HOXC6: variants seen among roughly 807,000 people sequenced by gnomAD.
HOXC6 encodes homeobox protein Hox-C6.
HOXC6 carries 10 observed loss-of-function variants against 24.0 expected under a neutral mutation model. That is an observed-to-expected ratio of 0.42 (90% CI 0.26 to 0.71). The LOEUF is 0.71. Among genes scored for constraint, HOXC6 ranks in the 30% least tolerant of loss-of-function variants. The pLI, the probability that HOXC6 is intolerant of heterozygous loss-of-function variation, is 0.28. For missense variants in HOXC6, 258 were observed against 303.4 expected (o/e 0.85, Z 1.11); for synonymous variants, 123 against 128.1 (o/e 0.96, Z 0.27).
At position 54,028,993 on chromosome 12, in the gene HOXC6, C is replaced by T. The variant is rs1291948063; in HGVS notation, c.400+72C>T. 6 of 1,453,014 alleles carry T rather than the reference C, an allele frequency of 4.1e-6. No individual in the cohort carries two copies. The Admixed American group carries it at 8.4e-5, about 20-fold the overall frequency. The allele number at this position is 1,453,014 out of a possible 1,614,324, so 90.0% of individuals were successfully genotyped here. A position where few individuals can be genotyped will look rare whatever the true frequency, so the allele number is the denominator to read the frequency against. On this transcript the variant is annotated intron_variant, in intron 1 of 1. Transcript: ENST00000243108. ...TTTATGACCGGCTTCCCTAGAAGAA[C>T]GGGCGGAGAGAGTTTTTTATGGCCC... is the stretch of plus-strand genomic sequence containing the variant.
chr12:54,019,283 T>C (rs972989732), intron 1 of HOXC6, among the ~76,000 whole-genome samples: 1 of 144,410 alleles, frequency 6.9e-6, no homozygotes, highest in Admixed American at 7.5e-5. Flanking sequence ...TCTCCCCAAA[T>C]GGGCCCAGCC....
intron 1 of HOXC6, chr12:54,021,242 C>G (rs561359139): frequency 3.9e-5 from 6 of 152,398 alleles, no homozygotes; most frequent in Admixed American, 3.9e-4. Context: ...GCATCCGTGG[C>G]GGCAGATTGG....
At chr12:54,027,123 C>T (rs1223663979), upstream of HOXC6, among the ~76,000 whole-genome samples, 1 of 152,248 alleles carries the variant, frequency 6.6e-6, no homozygotes, top group African/African-American at 2.4e-5. Context: ...TTTCAGTTCG[C>T]CTACTGCGGC....
exon 1 of HOXC6, chr12:54,016,992 AT>A (rs1435323048): frequency 7.0e-6 from 1 of 142,836 alleles, no homozygotes; most frequent in African/African-American, 2.6e-5. Context: ...ATTAATAATT[AT>A]TTTTCCCCCA....
rs1440055649 is a variant in HOXC6 at position 54,028,817 on chromosome 12, C to G, written c.296C>G (p.Ser99Ter). Reference sequence around the variant, plus strand: ...ACCTTAGGACATAACACACAGACCTCAATCGCTCAGGATTTTAGTTCTGAG... The same window carrying G: ...ACCTTAGGACATAACACACAGACCTGAATCGCTCAGGATTTTAGTTCTGAG... Reference protein sequence around the residue: ...QNTLGHNTQTSIAQDFSSEQG... With the variant: ...QNTLGHNTQT Residue 99 changes from serine to a stop codon, truncating the protein, a stop_gained, in exon 1 of 2, where the codon TCA becomes TGA. Transcript: ENST00000243108. LOFTEE classifies it high-confidence loss of function. 1.1e-5 allele frequency: 18 copies of G among 1,614,212 alleles called. No individual in the cohort carries two copies. Among genetic ancestry groups the G allele is most frequent in the Non-Finnish European group, 1.5e-5 (18 of 1,180,038 alleles).
At chr12:54,019,272 C>T (rs1017047044) in intron 1 of HOXC6, among the ~76,000 whole-genome samples, 1 of 145,526 alleles carries the variant, frequency 6.9e-6, no homozygotes, top group Admixed American at 7.3e-5. Flanking sequence ...AAGCGCTTGG[C>T]TCTCCCCAAA....
At chr12:54,019,545 C>G (rs961250542) in intron 1 of HOXC6, among the ~76,000 whole-genome samples, 37 of 152,318 alleles carry the variant, frequency 2.4e-4, no homozygotes, top group Admixed American at 1.4e-3. Flanking sequence ...TGTCCGCCCC[C>G]GCCCCTGTGG....
upstream of HOXC6, among the ~76,000 whole-genome samples, chr12:54,027,700 TC>T (rs895918025): frequency 1.3e-5 from 2 of 151,994 alleles, no homozygotes; most frequent in African/African-American, 4.8e-5. Context: ...AACAGAGGGG[TC>T]CTGAGAAGGA....
At chr12:54,029,180 G>A (rs2136437553) in intron 1 of HOXC6, among the ~76,000 whole-genome samples, 1 of 152,324 alleles carries the variant, frequency 6.6e-6, no homozygotes, top group East Asian at 1.9e-4. Flanking sequence ...AGGGGATGAG[G>A]GGAGGGAGCA....
intron 1 of HOXC6, chr12:54,017,439 A>G (rs1417039173): frequency 6.7e-6 from 1 of 149,158 alleles, no homozygotes; most frequent in Non-Finnish European, 1.5e-5. Context: ...ATTGGTTCAA[A>G]TATGTAACTA....
chr12:54,030,037 G>A lies in HOXC6; in HGVS notation c.*75G>A. The A allele has an allele frequency of 3.0e-6, 4 of 1,319,420 alleles. No homozygotes were observed. The highest frequency in any genetic ancestry group is 4.1e-6 in the Non-Finnish European group (4 of 979,468). The allele number at this position is 1,319,420 out of a possible 1,614,324, so 81.7% of individuals were successfully genotyped here. On this transcript the variant is annotated 3_prime_UTR_variant, in exon 2 of 2. Coordinates refer to ENST00000243108, the MANE Select transcript of HOXC6 (RefSeq NM_004503.4). ...CAACTCTCCCCTAATCACACACTCT[G>A]TATTTATCACTGGCACAATTGATGT...
At chr12:54,025,371 T>A (rs1017198194), upstream of HOXC6, among the ~76,000 whole-genome samples, 1 of 151,990 alleles carries the variant, frequency 6.6e-6, no homozygotes, top group African/African-American at 2.4e-5. Context: ...TAACATGAAA[T>A]GGGAAAAAGA....
upstream of HOXC6, among the ~76,000 whole-genome samples, chr12:54,026,939 C>T (rs374395964): frequency 7.1e-6 from 1 of 141,674 alleles, no homozygotes; most frequent in African/African-American, 2.7e-5. Flanking sequence ...CCAGCTTTCC[C>T]CCCCCCCAAC....
At chr12:54,027,571 TTCTCTC>T (rs1169899914), upstream of HOXC6, among the ~76,000 whole-genome samples, 1 of 152,216 alleles carries the variant, frequency 6.6e-6, no homozygotes, top group Non-Finnish European at 1.5e-5. Flanking sequence ...CTCTCTCTCT[TTCTCTC>T]TGTCTTTCCC....
At chr12:54,023,793 G>A (rs1015240354), upstream of HOXC6, among the ~76,000 whole-genome samples, 6 of 152,080 alleles carry the variant, frequency 3.9e-5, no homozygotes, top group Non-Finnish European at 7.4e-5. Flanking sequence ...TGTGTGTAGC[G>A]GGGGCAGGTA....
rs530242631 is a variant in HOXC6 at position 54,018,262 on chromosome 12, G to A, written c.-193+848G>A. 2.6e-5 allele frequency among the ~76,000 whole-genome samples: 4 copies of A among 152,354 alleles called. No individual in the cohort carries two copies. In the South Asian group the frequency reaches 8.3e-4, roughly 32 times the overall value. On this transcript the variant is annotated intron_variant, in intron 1 of 2. Coordinates refer to the HOXC6 transcript ENST00000394331. ...GGTCCGGCGCCCCTCACCCCCAGCC[G>A]CGGCCATCCCAGCCGGGATGCCCAC...
chr12:54,023,522 CTT>C, upstream of HOXC6, among the ~76,000 whole-genome samples: 1 of 152,152 alleles, frequency 6.6e-6, no homozygotes, highest in East Asian at 1.9e-4. Flanking sequence ...CTCTCAACCT[CTT>C]AGCTCAAAAG....
rs1344977617 is a variant in HOXC6, at chr12:54,030,659, A to G, written c.*697A>G. ...CCAATTTCAAAAAAGGAAAAAAAAG[A>G]GGGAAAATTACAAAAAGAGAGAAAA... On this transcript the variant is annotated 3_prime_UTR_variant, in exon 2 of 2. Transcript: ENST00000243108. The G allele has an allele frequency of 6.5e-6, 1 of 152,676 alleles. No individual in the cohort carries two copies. Among genetic ancestry groups the G allele is most frequent in the Non-Finnish European group, 1.5e-5 (1 of 68,040 alleles). 9.5% of individuals were successfully genotyped at this position (152,676 alleles called of 1,614,324 possible).
chr12:54,023,685 A>T (rs1191204469), upstream of HOXC6, among the ~76,000 whole-genome samples: 1 of 151,346 alleles, frequency 6.6e-6, no homozygotes, highest in Non-Finnish European at 1.5e-5. Flanking sequence ...AAATATTAGC[A>T]CCCCCAAATG....
Sources: allele counts gnomAD v4.1 joint callset (sites outside exome capture counted in the v4.1 genomes callset), GRCh38; gene constraint gnomAD v4.1.1; transcripts MANE v1.5; gene names NCBI Gene and HGNC (gene_info 2026-07-23, HGNC 2026-07-21).